The following PTK2 variants were observed in gnomAD, a reference collection of about 807,000 sequenced individuals.
PTK2 encodes the protein protein tyrosine kinase 2.
In PTK2, 45 loss-of-function variants were observed where a neutral mutation model predicts 150.1. That is an observed-to-expected ratio of 0.30 (90% confidence interval 0.24 to 0.38). PTK2 has a LOEUF of 0.38. PTK2 is among the 10% of genes least tolerant of loss of function. The pLI is 1.00. For synonymous variants in PTK2, 432 were observed against 449.2 expected, an observed-to-expected ratio of 0.96 and a Z score of 0.48; for missense variants, 919 against 1,307.3, an observed-to-expected ratio of 0.70 and a Z score of 4.58.
intron 4 of PTK2, among the ~76,000 whole-genome samples, chr8:140,872,383 T>C (rs1045570889): frequency 6.6e-6 from 1 of 152,184 alleles, no homozygotes; most frequent in African/African-American, 2.4e-5. Flanking sequence ...TATGTATACT[T>C]TATAGCCTAC....
chr8:140,733,289 A>G (rs1400452748), intron 22 of PTK2, among the ~76,000 whole-genome samples: 1 of 152,352 alleles, frequency 6.6e-6, no homozygotes, highest in African/African-American at 2.4e-5. Flanking sequence ...CATGATGCCC[A>G]GCCAGCAATT....
At chr8:140,700,171 G>A (rs2100029390) in intron 26 of PTK2, among the ~76,000 whole-genome samples, 1 of 152,062 alleles carries the variant, frequency 6.6e-6, no homozygotes, top group Admixed American at 6.6e-5. Context: ...AAAAAATACT[G>A]AATTCTGAAA....
chr8:140,785,898 C>A (rs1031650800), intron 14 of PTK2, among the ~76,000 whole-genome samples: 1 of 152,180 alleles, frequency 6.6e-6, no homozygotes, highest in South Asian at 2.1e-4. Flanking sequence ...CAATCCCACA[C>A]GAGTTAATAC....
chr8:140,768,190 C>G (rs555413177), intron 14 of PTK2, among the ~76,000 whole-genome samples: 1 of 151,904 alleles, frequency 6.6e-6, no homozygotes, highest in East Asian at 1.9e-4. Context: ...GTACTATGAT[C>G]ACCATCCCTA....
intron 29 of PTK2, among the ~76,000 whole-genome samples, chr8:140,673,843 T>C (rs571211540): frequency 1.3e-5 from 2 of 152,282 alleles, no homozygotes; most frequent in South Asian, 2.1e-4. Context: ...TCAGCATACA[T>C]TGCTTTTACA....
At chr8:140,774,133 T>C (rs1369363914) in intron 14 of PTK2, among the ~76,000 whole-genome samples, 1 of 152,214 alleles carries the variant, frequency 6.6e-6, no homozygotes, top group African/African-American at 2.4e-5. Context: ...ACAGACGATG[T>C]CACTCTTCTC....
intron 7 of PTK2, among the ~76,000 whole-genome samples, chr8:140,844,384 C>T (rs1191369703): frequency 1.3e-5 from 2 of 152,162 alleles, no homozygotes; most frequent in Admixed American, 1.3e-4. Flanking sequence ...AGGGTATTTA[C>T]ATAAATTATT....
At chr8:140,983,793 G>T (rs1364904625) in intron 1 of PTK2, 1 of 152,164 alleles carries the variant, frequency 6.6e-6, no homozygotes, top group Non-Finnish European at 1.5e-5. Flanking sequence ...TCAGCACTTT[G>T]AAAACTGGCA....
chr8:140,843,018 T>C (rs563333508), intron 7 of PTK2, among the ~76,000 whole-genome samples: 1 of 152,210 alleles, frequency 6.6e-6, no homozygotes, highest in Non-Finnish European at 1.5e-5. Context: ...TGTTCTCCAT[T>C]TCACTGACCC....
At chr8:140,937,224 CA>C (rs1456559481) in intron 1 of PTK2, among the ~76,000 whole-genome samples, 2 of 152,030 alleles carry the variant, frequency 1.3e-5, no homozygotes, top group African/African-American at 4.8e-5. Context: ...CAAGAAACTG[CA>C]AAAAATATGT....
chr8:140,894,594 T>C (rs1055016487), intron 2 of PTK2, among the ~76,000 whole-genome samples: 52 of 152,212 alleles, frequency 3.4e-4, no homozygotes, highest in Admixed American at 3.4e-3. Context: ...TGACTAAGTA[T>C]GAATTCCAGG....
rs994774209 is a variant in PTK2, at chr8:140,741,991, C to A, written c.1735+1239G>T. Among the ~76,000 whole-genome samples the A allele has an allele frequency of 2.4e-4, 37 of 152,114 alleles. 1 individual carries two copies. The highest frequency in any genetic ancestry group is 2.3e-3 in the Admixed American group (35 of 15,266). Reference sequence around the variant, plus strand: ...AAACTCCATCTCTACAAAAAATTAGCCAGGCATGGTGGCGCACGCCCGTAG... The same window carrying A: ...AAACTCCATCTCTACAAAAAATTAGACAGGCATGGTGGCGCACGCCCGTAG... On this transcript the variant is annotated intron_variant, in intron 20 of 31. Transcript: ENST00000522684.
chr8:140,975,548 T>C (rs2100188963), intron 1 of PTK2, among the ~76,000 whole-genome samples: 1 of 152,134 alleles, frequency 6.6e-6, no homozygotes, highest in South Asian at 2.1e-4. Context: ...CACAGCCAGT[T>C]TTTACATGGT....
intron 3 of PTK2, among the ~76,000 whole-genome samples, chr8:140,883,680 A>G (rs2100150574): frequency 6.6e-6 from 1 of 152,116 alleles, no homozygotes; most frequent in Admixed American, 6.6e-5. Flanking sequence ...TCCAACACCT[A>G]GTACGTTTCC....
chr8:140,864,318 A>G, exon 5 of PTK2: 1 of 1,581,300 alleles, frequency 6.3e-7, no homozygotes, highest in Non-Finnish European at 8.6e-7. Context: ...ATACCTGTTG[A>G]TAGAAGAAAT....
chr8:140,681,552 G>T (rs564276060), intron 27 of PTK2, among the ~76,000 whole-genome samples: 10 of 151,954 alleles, frequency 6.6e-5, no homozygotes, highest in South Asian at 2.1e-4. Context: ...CGGGCAGGGG[G>T]GGATCACGAA....
At chr8:140,952,921 T>G (rs917984467) in intron 1 of PTK2, among the ~76,000 whole-genome samples, 1 of 152,186 alleles carries the variant, frequency 6.6e-6, no homozygotes, top group Non-Finnish European at 1.5e-5. Flanking sequence ...CTAATTAAAA[T>G]GAGAAAAATG....
intron 26 of PTK2, among the ~76,000 whole-genome samples, chr8:140,692,662 C>G (rs1265981589): frequency 6.6e-6 from 1 of 151,774 alleles, no homozygotes; most frequent in African/African-American, 2.4e-5. Context: ...AACAGTTCGG[C>G]TTAGCTACAG....
At chr8:140,829,665 A>G (rs901502934) in intron 8 of PTK2, among the ~76,000 whole-genome samples, 8 of 152,164 alleles carry the variant, frequency 5.3e-5, no homozygotes, top group African/African-American at 1.9e-4. Flanking sequence ...TGAAAAATAA[A>G]AAGTAAGAGC....
Sources: allele counts gnomAD v4.1 joint callset (sites outside exome capture counted in the v4.1 genomes callset), GRCh38; gene constraint gnomAD v4.1.1; transcripts MANE v1.5; gene names NCBI Gene and HGNC (gene_info 2026-07-23, HGNC 2026-07-21).